Variants in ADGRG2 observed in about 807,000 individuals in gnomAD.
The protein encoded by ADGRG2 is adhesion G protein-coupled receptor G2.
ADGRG2 carries 26 observed loss-of-function variants against 74.1 expected under a neutral mutation model. That is an observed-to-expected ratio of 0.35 (90% CI 0.26 to 0.49). The LOEUF (loss-of-function observed/expected upper bound fraction) is 0.49, where lower values mean the gene tolerates loss of function less well. Among genes scored for constraint, ADGRG2 ranks in the 20% least tolerant of loss-of-function variants. ADGRG2 has a pLI of 0.99. For missense variants in ADGRG2, 619 were observed against 763.1 expected (o/e 0.81, Z 2.22); for synonymous variants, 296 against 295.2 (o/e 1.00, Z -0.03).
intron 3 of ADGRG2, among the ~76,000 whole-genome samples, chrX:19,045,910 G>C (rs1441490589): frequency 3.6e-5 from 4 of 110,579 alleles, no homozygotes; most frequent in Admixed American, 2.9e-4. Flanking sequence ...TTAGTGACAG[G>C]GTCTTGCTCT....
chrX:19,051,454 T>C (rs2061320662), intron 3 of ADGRG2, among the ~76,000 whole-genome samples: 1 of 111,814 alleles, frequency 8.9e-6, no homozygotes, highest in South Asian at 3.7e-4. Context: ...TGAAAACTCC[T>C]GGTGGCAGAC....
At chrX:19,047,708 G>A (rs752834651) in intron 3 of ADGRG2, among the ~76,000 whole-genome samples, 11 of 111,070 alleles carry the variant, frequency 9.9e-5, no homozygotes, top group South Asian at 3.9e-4. Flanking sequence ...AAGCCACCAC[G>A]CCTAGGCACT....
At chrX:19,119,727 T>G (rs1376719368) in intron 1 of ADGRG2, among the ~76,000 whole-genome samples, 3 of 111,710 alleles carry the variant, frequency 2.7e-5, no homozygotes, top group East Asian at 5.6e-4. Context: ...GTCCCCACAA[T>G]GATCACATCA....
intron 3 of ADGRG2, among the ~76,000 whole-genome samples, chrX:19,058,514 T>G (rs1170983968): frequency 8.9e-6 from 1 of 111,836 alleles, no homozygotes; most frequent in African/African-American, 3.2e-5. Context: ...ATCAGATAAT[T>G]ATAAGCAATT....
In ADGRG2 at chrX:18,990,006, C is replaced by G. The variant is rs369483185; in HGVS notation, c.*858G>C. On this transcript the variant is annotated 3_prime_UTR_variant, in exon 29 of 29. Coordinates refer to ENST00000379869, the MANE Select transcript of ADGRG2 (RefSeq NM_001079858.3). Reference sequence around the variant, plus strand: ...AACATCTTGGTGCAGATTCTATAATCTGACTACTGGGGATGCGGTCAGGGG... The same window carrying G: ...AACATCTTGGTGCAGATTCTATAATGTGACTACTGGGGATGCGGTCAGGGG... The G allele has an allele frequency of 1.6e-4, 18 of 112,248 alleles. 1 individual carries two copies. Among genetic ancestry groups the G allele is most frequent in the East Asian group, 1.4e-3 (5 of 3,552 alleles). The allele number at this position is 112,248 out of a possible 1,213,427, so 9.3% of individuals were successfully genotyped here. A position where few individuals can be genotyped will look rare whatever the true frequency, so the allele number is the denominator to read the frequency against.
rs1349964136 is a variant in ADGRG2 at position 18,991,037 on chromosome X, T to C, written c.2881A>G (p.Thr961Ala). 8.5e-7 allele frequency: 1 copy of C among 1,169,861 alleles called. No individual in the cohort carries two copies. ...CTAAAAGAGACCCCATTCCTCTCTG[T>C]AGAAGCATTTCCTGTATAAGGAAAC... ...VHASGNGNAS[T>A]ERNGVSFSVQ... Residue 961 changes from threonine to alanine, a missense_variant, in exon 29 of 29, where the codon ACA becomes GCA. By Grantham distance (58) the Thr-to-Ala change is moderately conservative. Coordinates refer to ENST00000379869, the MANE Select transcript of ADGRG2 (RefSeq NM_001079858.3).
intron 1 of ADGRG2, among the ~76,000 whole-genome samples, chrX:19,084,221 A>C (rs1345449853): frequency 9.1e-6 from 1 of 109,291 alleles, no homozygotes; most frequent in East Asian, 2.9e-4. Context: ...CAAACACCAC[A>C]TATTCTCACT....
chrX:19,110,068 T>C (rs943268788), intron 1 of ADGRG2, among the ~76,000 whole-genome samples: 9 of 111,759 alleles, frequency 8.1e-5, no homozygotes, highest in Middle Eastern at 4.2e-3. Context: ...CTGAGAATCA[T>C]GCATGAAGGA....
chrX:19,084,134 G>A (rs774208492), intron 1 of ADGRG2, among the ~76,000 whole-genome samples: 33 of 111,836 alleles, frequency 3.0e-4, no homozygotes, highest in Non-Finnish European at 5.3e-4. Context: ...AAAAAGGAAT[G>A]AGATCATGTC....
chrX:19,037,062 G>A (rs1266093987), intron 6 of ADGRG2, among the ~76,000 whole-genome samples: 2 of 111,809 alleles, frequency 1.8e-5, no homozygotes, highest in South Asian at 3.7e-4. Flanking sequence ...CAAATCATCT[G>A]TAAAAAGGCT....
chrX:19,039,058 T>C (rs747243918), intron 4 of ADGRG2, among the ~76,000 whole-genome samples: 8 of 111,690 alleles, frequency 7.2e-5, no homozygotes, highest in African/African-American at 1.3e-4. Context: ...ACATATGTTA[T>C]CTCATTCCGT....
At chrX:19,076,660 T>C (rs1306606508) in intron 2 of ADGRG2, among the ~76,000 whole-genome samples, 1 of 111,066 alleles carries the variant, frequency 9.0e-6, no homozygotes, top group African/African-American at 3.3e-5. Context: ...CCCTAGCTTC[T>C]TGGGAGGCTG....
intron 1 of ADGRG2, among the ~76,000 whole-genome samples, chrX:19,097,406 G>A (rs1018590680): frequency 2.7e-5 from 3 of 112,495 alleles, no homozygotes; most frequent in Admixed American, 9.4e-5. Context: ...AGCTACTGGG[G>A]AGGCTGAGGC....
chrX:19,023,894 G>A lies in ADGRG2; in HGVS notation c.510+15C>T, dbSNP rs1447418070. On this transcript the variant is annotated intron_variant, in intron 12 of 28. Transcript: ENST00000379869. ...ACAATAATTATAAACAAGCTACAGG[G>A]TGCACTATGATTACCTCACTTAGGG... 1 of 1,127,683 alleles carries A rather than the reference G, an allele frequency of 8.9e-7. No homozygotes were observed. 92.9% of individuals were successfully genotyped at this position (1,127,683 alleles called of 1,213,427 possible).
intron 3 of ADGRG2, among the ~76,000 whole-genome samples, chrX:19,059,148 T>G (rs988182565): frequency 5.4e-5 from 6 of 111,547 alleles, no homozygotes; most frequent in African/African-American, 2.0e-4. Context: ...GTTGCGCCTG[T>G]GAATAGGCAC....
In ADGRG2 at chrX:19,027,246, G is replaced by A. The variant is rs377379667; in HGVS notation, c.443C>T (p.Thr148Ile). 240 of 1,147,466 alleles carry A rather than the reference G, an allele frequency of 2.1e-4. 1 individual carries two copies. Among genetic ancestry groups the A allele is most frequent in the Non-Finnish European group, 2.7e-4 (229 of 838,068 alleles). 94.6% of individuals were successfully genotyped at this position (1,147,466 alleles called of 1,213,427 possible). A position where few individuals can be genotyped will look rare whatever the true frequency, so the allele number is the denominator to read the frequency against. ...QNQHITNGTL[T>I]GVLSLSELKR... ...TAATTCACTTAGAGACAGGACTCCA[G>A]TTAAGGTGCCATTCGTTATATGTTG... The change falls in exon 11 of 29, where the codon ACT becomes ATT. Residue 148 changes from threonine to isoleucine, a missense_variant. Physicochemically the swap from Thr to Ile is moderately conservative, Grantham distance 89. Transcript: ENST00000379869.
chrX:19,044,959 A>G (rs1235644225), intron 3 of ADGRG2, among the ~76,000 whole-genome samples: 1 of 112,034 alleles, frequency 8.9e-6, no homozygotes. Flanking sequence ...AGATGGATCG[A>G]TTATCCTGGA....
At chrX:19,113,069 T>G (rs1282410471) in intron 1 of ADGRG2, among the ~76,000 whole-genome samples, 1 of 104,653 alleles carries the variant, frequency 9.6e-6, no homozygotes, top group African/African-American at 3.5e-5. Flanking sequence ...CTAAGAGACA[T>G]GACAACTAGA....
chrX:19,112,026 C>T (rs1423092816), intron 1 of ADGRG2, among the ~76,000 whole-genome samples: 1 of 109,889 alleles, frequency 9.1e-6, no homozygotes, highest in Non-Finnish European at 1.9e-5. Context: ...AAGAATAGAT[C>T]ATACAAAAAT....
Sources: allele counts gnomAD v4.1 joint callset (sites outside exome capture counted in the v4.1 genomes callset), GRCh38; gene constraint gnomAD v4.1.1; transcripts MANE v1.5; gene names NCBI Gene and HGNC (gene_info 2026-07-23, HGNC 2026-07-21).